Variants in TMC8 observed in about 807,000 individuals in gnomAD.
The protein encoded by TMC8 is transmembrane channel-like protein 8.
Under a neutral mutation model 76.0 loss-of-function variants are expected in TMC8, and 71 were observed. That is an observed-to-expected ratio of 0.93 (90% CI 0.77 to 1.14). TMC8 has a LOEUF of 1.14. TMC8 is among the 50% of genes most tolerant of loss of function. The pLI, the probability that TMC8 is intolerant of heterozygous loss-of-function variation, is 0.00. For missense variants in TMC8, 924 were observed against 947.9 expected (o/e 0.97, Z 0.33); for synonymous variants, 433 against 433.8 (o/e 1.00, Z 0.02).
Position 78,131,990 on chromosome 17 carries a change from G to A in TMC8, c.258G>A (p.Arg86=). Residue 86 remains arginine, a synonymous_variant, in exon 3 of 16, where the codon CGG becomes CGA. Coordinates refer to ENST00000318430, the MANE Select transcript of TMC8 (RefSeq NM_152468.5). The stretch of plus-strand genomic sequence containing the variant: ...GGGAGGCAGCGCAGCGGCTGGCCCG[G>A]GGCCTTGGGCTCTGGGAGGGGGCGC... ...RLREAAQRLA[R]GLGLWEGALY... 6.5e-7 allele frequency: 1 copy of A among 1,528,080 alleles called. No homozygotes were observed. The highest frequency in any genetic ancestry group is 2.5e-5 in the East Asian group (1 of 40,480). The allele number at this position is 1,528,080 out of a possible 1,614,324, so 94.7% of individuals were successfully genotyped here.
chr17:78,133,754 G>A lies in TMC8; in HGVS notation c.669-99G>A. On this transcript the variant is annotated intron_variant, in intron 6 of 15. Coordinates refer to ENST00000318430, the MANE Select transcript of TMC8 (RefSeq NM_152468.5). ...CCTCACTCACCAGGACCTGCACCTG[G>A]GGCTGCAGGGGCCTTCCCAGACCCA... 3.2e-6 allele frequency: 5 copies of A among 1,575,518 alleles called. No individual in the cohort carries two copies. In the South Asian group the frequency reaches 5.6e-5, roughly 18 times the overall value.
rs779027509 is a variant in TMC8 at position 78,137,373 on chromosome 17, G to A, written c.1251+15G>A. On this transcript the variant is annotated intron_variant, in intron 10 of 15. Coordinates refer to ENST00000318430, the MANE Select transcript of TMC8 (RefSeq NM_152468.5). ...GTGACTATCAGGTGGCTGGCAGCCC[G>A]GCGGGGCCTGTCCCTCCCTTCCTTC... 77 of 1,613,552 alleles carry A rather than the reference G, an allele frequency of 4.8e-5. No individual in the cohort carries two copies. The highest frequency in any genetic ancestry group is 6.2e-5 in the Non-Finnish European group (73 of 1,179,966).
In TMC8 at chr17:78,132,789, C is replaced by G; in HGVS notation, c.450C>G (p.Thr150=). 1 of 1,614,224 alleles carries G rather than the reference C, an allele frequency of 6.2e-7. No individual in the cohort carries two copies. The highest frequency in any genetic ancestry group is 8.5e-7 in the Non-Finnish European group (1 of 1,180,026). Residue 150 remains threonine, a splice_region_variant and synonymous_variant, in exon 5 of 16, where the codon ACC becomes ACG. Transcript: ENST00000318430. ...PPDPGPTLNL[T]LQCPGSRQSP... ...ATTGACCCCCTTCCTCCTCAACAGC[C>G]CTCCAGTGCCCTGGTAGCCGCCAGT...
At chr17:78,131,174 G>A (rs776977574) in intron 1 of TMC8, 107 bp from the exon 2 acceptor site, 4 of 309,304 alleles carry the variant, frequency 1.3e-5, no homozygotes, top group Non-Finnish European at 2.5e-5. Context: ...TTGGGGTGAC[G>A]GTGGGCCCAG....
At chr17:78,137,898 C>T (rs1195946301) in intron 11 of TMC8, 84 bp downstream of exon 11, 57 of 1,593,928 alleles carry the variant, frequency 3.6e-5, no homozygotes, top group Middle Eastern at 3.9e-4. Context: ...CAAGGGTGAG[C>T]GGGTCCAGTG....
In TMC8 at chr17:78,134,518, T is replaced by C. The variant is rs2075166863; in HGVS notation, c.941T>C (p.Ile314Thr). The change falls in exon 8 of 16, where the codon ATC becomes ACC. Residue 314 changes from isoleucine (I) to threonine (T), a missense_variant. Transcript: ENST00000318430. Reference protein sequence around the residue: ...VLNGLLVVGAISAIFWATKYS... With the variant: ...VLNGLLVVGATSAIFWATKYS... Reference sequence around the variant, plus strand: ...AACGGGCTCCTGGTGGTTGGGGCCATCAGCGCCATCTTCTGGGCTACCAAG... The same window carrying C: ...AACGGGCTCCTGGTGGTTGGGGCCACCAGCGCCATCTTCTGGGCTACCAAG... 1 of 1,614,090 alleles carries C rather than the reference T, an allele frequency of 6.2e-7. No homozygotes were observed. Among genetic ancestry groups the C allele is most frequent in the Non-Finnish European group, 8.5e-7 (1 of 1,180,038 alleles).
Position 78,131,507 on chromosome 17 carries a change from G to A in TMC8, c.-82G>A. ...CAGCGTGCACAGAGGCCATAGCCAA[G>A]GCCTTAAGGCTCATCCAACCGGGGA... On this transcript the variant is annotated 5_prime_UTR_variant, in exon 2 of 16. Coordinates refer to ENST00000318430, the MANE Select transcript of TMC8 (RefSeq NM_152468.5). 6.6e-7 allele frequency: 1 copy of A among 1,523,006 alleles called. No homozygotes were observed. The highest frequency in any genetic ancestry group is 8.8e-7 in the Non-Finnish European group (1 of 1,136,958). The allele number at this position is 1,523,006 out of a possible 1,614,324, so 94.3% of individuals were successfully genotyped here.
chr17:78,137,281 C>G lies in TMC8; in HGVS notation c.1174C>G (p.Leu392Val). The G allele has an allele frequency of 6.2e-7, 1 of 1,613,984 alleles. No individual in the cohort carries two copies. Among genetic ancestry groups the G allele is most frequent in the Non-Finnish European group, 8.5e-7 (1 of 1,180,018 alleles). ...LASLGMFSVS[L>V]GQTILCIGRD... ...CAGCTTGGGGATGTTCTCCGTCTCC[C>G]TGGGTCAGACCATACTGTGCATTGG... Residue 392 changes from leucine (L) to valine (V), a missense_variant, in exon 10 of 16, where the codon CTG becomes GTG. Transcript: ENST00000318430.
chr17:78,140,326 C>CAAAA (rs34749218), intron 15 of TMC8, among the ~76,000 whole-genome samples: 1 of 131,980 alleles, frequency 7.6e-6, no homozygotes, highest in Non-Finnish European at 1.7e-5. Flanking sequence ...CCAGTTTCCA[C>CAAAA]AAAAAAAAAA....
At position 78,132,707 on chromosome 17, in the gene TMC8, TG is replaced by T; in HGVS notation, c.449-76del. 5 of 1,552,038 alleles carry T rather than the reference TG, an allele frequency of 3.2e-6. No individual in the cohort carries two copies. In the South Asian group the frequency reaches 5.6e-5, roughly 17 times the overall value. ...CCCCCTGCCCAGGCCTCCCCAGGGT[TG>T]GGGGTTATAGAGCAGTAGCCGCAGA... On this transcript the variant is annotated intron_variant, in intron 4 of 15. Transcript: ENST00000318430.
intron 14 of TMC8, 68 bp from the exon 15 acceptor site, chr17:78,139,094 A>G: frequency 1.3e-6 from 2 of 1,599,024 alleles, no homozygotes; most frequent in Non-Finnish European, 8.6e-7. Context: ...AGGTGGGGAG[A>G]GAGGAAGTCA....
At chr17:78,140,775 C>G (rs1246175844) in intron 15 of TMC8, 59 bp from the exon 16 acceptor site, 3 of 1,564,318 alleles carry the variant, frequency 1.9e-6, no homozygotes, top group Non-Finnish European at 2.6e-6. Flanking sequence ...CGCTGCTGTC[C>G]TCACACCCGC....
At position 78,131,404 on chromosome 17, in the gene TMC8, G is replaced by C. The variant is rs1022233902; in HGVS notation, c.-185G>C. On this transcript the variant is annotated 5_prime_UTR_variant, in exon 2 of 16. Coordinates refer to ENST00000318430, the MANE Select transcript of TMC8 (RefSeq NM_152468.5). ...CCGGAGGTGGCAGAGCGGCAGACCC[G>C]GGCAAGTGAACCCTAGGGCTGCAGG... is the stretch of plus-strand genomic sequence containing the variant. 3 of 779,040 alleles carry C rather than the reference G, an allele frequency of 3.9e-6. No homozygotes were observed. Among genetic ancestry groups the C allele is most frequent in the Middle Eastern group, 3.7e-4 (1 of 2,700 alleles). The allele number at this position is 779,040 out of a possible 1,614,324, so 48.3% of individuals were successfully genotyped here.
intron 9 of TMC8, among the ~76,000 whole-genome samples, chr17:78,135,636 A>G (rs1355842095): frequency 6.6e-6 from 1 of 152,092 alleles, no homozygotes; most frequent in Non-Finnish European, 1.5e-5. Context: ...AGCTGCAGAA[A>G]TTCTTGTGTA....
In TMC8 at chr17:78,131,547, A is replaced by G; in HGVS notation, c.-42A>G. On this transcript the variant is annotated 5_prime_UTR_variant, in exon 2 of 16. Coordinates refer to ENST00000318430, the MANE Select transcript of TMC8 (RefSeq NM_152468.5). ...CCAACCGGGGACTCATATCCCCCCC[A>G]CCGGCAGCCCGGCGCCCCAGCCTCT... 5 of 1,537,424 alleles carry G rather than the reference A, an allele frequency of 3.3e-6. No homozygotes were observed. The highest frequency in any genetic ancestry group is 1.7e-6 in the Non-Finnish European group (2 of 1,146,342).
intron 5 of TMC8, 81 bp from the exon 6 acceptor site, chr17:78,133,325 G>A: frequency 6.2e-7 from 1 of 1,606,858 alleles, no homozygotes; most frequent in Non-Finnish European, 8.5e-7. Context: ...ATTGCACGGG[G>A]GCTAACAAGA....
Position 78,138,200 on chromosome 17 carries a change from TGGCTGG to T in TMC8, c.1533+15_1533+20del. On this transcript the variant is annotated intron_variant, in intron 12 of 15. Coordinates refer to ENST00000318430, the MANE Select transcript of TMC8 (RefSeq NM_152468.5). ...TCTACATCAAGAAGGTGACGGCTCA[TGGCTGG>T]GGGGTATGGGGTTCGTGCCTCTGGG... is the stretch of plus-strand genomic sequence containing the variant. The T allele has an allele frequency of 6.2e-7, 1 of 1,613,790 alleles. No homozygotes were observed. Among genetic ancestry groups the T allele is most frequent in the East Asian group, 2.2e-5 (1 of 44,880 alleles).
intron 8 of TMC8, 26 bp from the exon 9 acceptor site, chr17:78,134,844 C>T (rs1053609469): frequency 1.2e-6 from 2 of 1,612,956 alleles, no homozygotes; most frequent in Non-Finnish European, 1.7e-6. Context: ...AGCACGCGGG[C>T]TCCCCTGACC....
At position 78,138,180 on chromosome 17, in the gene TMC8, A is replaced by T. The variant is rs1002160081; in HGVS notation, c.1525A>T (p.Ile509Phe). ...CGTCTTCCTCTTCCTCACCTTCTAC[A>T]TCAAGAAGGTGACGGCTCATGGCTG... ...NSVFLFLTFY[I>F]KKYTLLKNSR... is the part of the protein sequence containing the mutation. The change falls in exon 12 of 16, where the codon ATC becomes TTC. Residue 509 changes from isoleucine to phenylalanine, a missense_variant. By Grantham distance (21) the Ile-to-Phe change is conservative. Transcript: ENST00000318430. 1 of 1,613,492 alleles carries T rather than the reference A, an allele frequency of 6.2e-7. No homozygotes were observed. Among genetic ancestry groups the T allele is most frequent in the Non-Finnish European group, 8.5e-7 (1 of 1,179,894 alleles).
Sources: gnomAD v4.1 joint callset for allele counts (sites outside exome capture counted in the v4.1 genomes callset) on GRCh38, gnomAD v4.1.1 for gene constraint, MANE v1.5 for transcripts, NCBI Gene and HGNC (gene_info 2026-07-23, HGNC 2026-07-21) for gene names.